Variants in CAST observed in about 807,000 individuals in gnomAD.
CAST encodes the protein MIR583 host.
Under a neutral mutation model 119.6 loss-of-function variants are expected in CAST, and 76 were observed. That is an observed-to-expected ratio of 0.64 (90% CI 0.53 to 0.77). The LOEUF is 0.77. Among genes scored for constraint, CAST ranks in the 30% least tolerant of loss-of-function variants. The probability of loss-of-function intolerance (pLI) is 0.00; values close to 1 mark genes in which losing one functional copy is unlikely to be tolerated. For synonymous variants in CAST, 319 were observed against 331.6 expected (o/e 0.96, Z 0.41); for missense variants, 953 against 946.5 (o/e 1.01, Z -0.09).
chr5:96,588,192 C>CTTTA, intron 1 of CAST, among the ~76,000 whole-genome samples: 1 of 113,442 alleles, frequency 8.8e-6, no homozygotes, highest in East Asian at 2.7e-4. Context: ...TTCTTTCTTT[C>CTTTA]TTTCTTTTTT....
chr5:96,119,001 C>A, the CAST span, among the ~76,000 whole-genome samples: 10 of 152,096 alleles, frequency 6.6e-5, no homozygotes, highest in Non-Finnish European at 1.3e-4. Context: ...TCCGTATCTT[C>A]ATTGGAAAAT....
At chr5:96,666,689 C>G (rs987235436) in intron 1 of CAST, among the ~76,000 whole-genome samples, 1 of 152,198 alleles carries the variant, frequency 6.6e-6, no homozygotes, top group Non-Finnish European at 1.5e-5. Flanking sequence ...TAGTTCGCGC[C>G]CCATTGTGTA....
At chr5:96,574,832 C>T (rs947877330) in intron 1 of CAST, among the ~76,000 whole-genome samples, 19 of 152,228 alleles carry the variant, frequency 1.2e-4, no homozygotes, top group African/African-American at 4.6e-4. Flanking sequence ...GTGCACCATA[C>T]GAAACAGCAC....
At chr5:95,964,513 G>A in the CAST span, among the ~76,000 whole-genome samples, 1 of 152,162 alleles carries the variant, frequency 6.6e-6, no homozygotes, top group Non-Finnish European at 1.5e-5. Context: ...TGCTAATTTG[G>A]ACGGTGTTGG....
the CAST span, among the ~76,000 whole-genome samples, chr5:96,098,117 G>A: frequency 6.6e-6 from 1 of 152,128 alleles, no homozygotes; most frequent in Non-Finnish European, 1.5e-5. Context: ...TTGGGCACAT[G>A]TATGTCTTCT....
the CAST span, among the ~76,000 whole-genome samples, chr5:96,057,747 A>C: frequency 6.6e-6 from 1 of 152,266 alleles, no homozygotes; most frequent in East Asian, 1.9e-4. Context: ...ACAAATACTA[A>C]ACTTGGAAAG....
At chr5:96,219,117 G>C in the CAST span, among the ~76,000 whole-genome samples, 1 of 152,116 alleles carries the variant, frequency 6.6e-6, no homozygotes, top group Non-Finnish European at 1.5e-5. Context: ...TTTTTTATGT[G>C]TATGATTTCA....
intron 9 of CAST, among the ~76,000 whole-genome samples, chr5:96,733,528 G>C (rs999706916): frequency 6.6e-6 from 1 of 152,220 alleles, no homozygotes; most frequent in Non-Finnish European, 1.5e-5. Context: ...GCATTGACTT[G>C]TGCTGGAACT....
the CAST span, among the ~76,000 whole-genome samples, chr5:96,237,845 T>G: frequency 2.6e-5 from 4 of 152,130 alleles, no homozygotes; most frequent in Non-Finnish European, 5.9e-5. Context: ...ATGGTTTTGT[T>G]TTTGATTCTG....
At position 96,663,042 on chromosome 5, in the gene CAST, G is replaced by A. The variant is rs545884998; in HGVS notation, c.75+545G>A. 8 of 698,794 alleles carry A rather than the reference G, an allele frequency of 1.1e-5. No individual in the cohort carries two copies. In the African/African-American group the frequency reaches 1.2e-4, roughly 11 times the overall value. 43.3% of individuals were successfully genotyped at this position (698,794 alleles called of 1,614,324 possible). A position where few individuals can be genotyped will look rare whatever the true frequency, so the allele number is the denominator to read the frequency against. On this transcript the variant is annotated intron_variant, in intron 1 of 31. Transcript: ENST00000675179. ...CGGAGCTCAGTGCCAGCCCGGTCCCGGCCAAGCGGAGTGTGAGCCCGGCGC... is the reference window on the plus strand; with the variant it reads ...CGGAGCTCAGTGCCAGCCCGGTCCCAGCCAAGCGGAGTGTGAGCCCGGCGC...
At chr5:96,612,625 G>A (rs900197946) in intron 1 of CAST, among the ~76,000 whole-genome samples, 15 of 152,044 alleles carry the variant, frequency 9.9e-5, no homozygotes, top group African/African-American at 3.6e-4. Flanking sequence ...ACTTGTACCG[G>A]TTTAAAGAAA....
the CAST span, among the ~76,000 whole-genome samples, chr5:95,999,541 G>A: frequency 2.0e-5 from 3 of 151,958 alleles, no homozygotes; most frequent in Non-Finnish European, 4.4e-5. Flanking sequence ...ACAGGGTTTC[G>A]CTGTGTTTCC....
intron 1 of CAST, among the ~76,000 whole-genome samples, chr5:96,627,193 T>C (rs925848366): frequency 1.3e-5 from 2 of 152,190 alleles, no homozygotes; most frequent in Non-Finnish European, 2.9e-5. Flanking sequence ...CACAACATAG[T>C]TGTGATTTTC....
At chr5:96,036,458 A>C in the CAST span, among the ~76,000 whole-genome samples, 3 of 152,140 alleles carry the variant, frequency 2.0e-5, no homozygotes, top group Non-Finnish European at 4.4e-5. Context: ...ATCATTGTTA[A>C]TTCATTCAGT....
the CAST span, chr5:96,421,991 A>AT: frequency 1.6e-6 from 1 of 631,848 alleles, no homozygotes; most frequent in Non-Finnish European, 2.6e-6. Context: ...CTGTGGCAGC[A>AT]TTAAAAAAAA....
At chr5:96,469,381 A>C in the CAST span, among the ~76,000 whole-genome samples, 76,673 of 151,854 alleles carry the variant, frequency 0.5, 20,390 homozygotes, top group African/African-American at 0.68. Context: ...TTGTGAAAAG[A>C]TCAGGCTCTT....
chr5:96,737,983 A>C (rs1581199423), intron 11 of CAST, 36 bp downstream of exon 11: 1 of 1,181,176 alleles, frequency 8.5e-7, no homozygotes, highest in African/African-American at 1.5e-5. Context: ...ATTCATACTC[A>C]GTGGGTAGGA....
At position 96,727,113 on chromosome 5, in the gene CAST, T is replaced by C. The variant is rs187164163; in HGVS notation, c.336+254T>C. On this transcript the variant is annotated intron_variant, in intron 5 of 31. Transcript: ENST00000675179. ...AAACCCGTGATGAATATTTCACTGA[T>C]AAAAACACCGTGTTAGTGGCATGGA... Among the ~76,000 whole-genome samples the C allele has an allele frequency of 3.3e-4, 50 of 152,356 alleles. 1 individual carries two copies. In the East Asian group the frequency reaches 8.1e-3, roughly 25 times the overall value.
At chr5:95,990,923 A>C in the CAST span, among the ~76,000 whole-genome samples, 3 of 152,018 alleles carry the variant, frequency 2.0e-5, no homozygotes, top group African/African-American at 7.2e-5. Flanking sequence ...AAAGTATTAT[A>C]AGCAATGCTT....
Sources: allele counts gnomAD v4.1 joint callset (sites outside exome capture counted in the v4.1 genomes callset), GRCh38; gene constraint gnomAD v4.1.1; transcripts MANE v1.5; gene names NCBI Gene and HGNC (gene_info 2026-07-23, HGNC 2026-07-21).